PTPRK: variants seen among roughly 807,000 people sequenced by gnomAD.
PTPRK encodes protein tyrosine phosphatase receptor type K.
PTPRK carries 75 observed loss-of-function variants against 178.0 expected under a neutral mutation model. The observed-to-expected ratio is 0.42, with a 90% CI of 0.35 to 0.51. The LOEUF (loss-of-function observed/expected upper bound fraction) is 0.51. PTPRK is among the 20% of genes least tolerant of loss of function. The pLI, the probability that PTPRK is intolerant of heterozygous loss-of-function variation, is 0.02. For synonymous variants in PTPRK, 637 were observed against 620.6 expected, an observed-to-expected ratio of 1.03 and a Z score of -0.39; for missense variants, 1,441 against 1,797.8, an observed-to-expected ratio of 0.80 and a Z score of 3.59.
intron 1 of PTPRK, among the ~76,000 whole-genome samples, chr6:128,495,501 C>T (rs968555391): frequency 2.0e-5 from 3 of 151,928 alleles, no homozygotes; most frequent in East Asian, 3.9e-4. Flanking sequence ...AAACCAAATA[C>T]TCAGGCAGCA....
At chr6:128,049,661 T>C (rs1378173764) in intron 13 of PTPRK, among the ~76,000 whole-genome samples, 2 of 152,174 alleles carry the variant, frequency 1.3e-5, no homozygotes. Context: ...TATATTTGCA[T>C]GATTCAGCAC....
At chr6:128,297,289 C>A (rs1220235713) in intron 3 of PTPRK, among the ~76,000 whole-genome samples, 2 of 151,984 alleles carry the variant, frequency 1.3e-5, no homozygotes, top group Non-Finnish European at 2.9e-5. Context: ...GACTTTAACA[C>A]CCCACTGTCA....
At chr6:128,498,486 T>C (rs1855060791) in intron 1 of PTPRK, among the ~76,000 whole-genome samples, 1 of 152,216 alleles carries the variant, frequency 6.6e-6, no homozygotes, top group Non-Finnish European at 1.5e-5. Context: ...TATCCTCTTC[T>C]GCTTTTAGCA....
rs755320681 is a variant in PTPRK, at chr6:128,519,083, C to G, written c.100+1176G>C. 2 of 532,520 alleles carry G rather than the reference C, an allele frequency of 3.8e-6. No homozygotes were observed. The highest frequency in any genetic ancestry group is 1.9e-5 in the African/African-American group (1 of 51,956). The allele number at this position is 532,520 out of a possible 1,614,324, so 33.0% of individuals were successfully genotyped here. A position where few individuals can be genotyped will look rare whatever the true frequency, so the allele number is the denominator to read the frequency against. On this transcript the variant is annotated intron_variant, in intron 1 of 29. Transcript: ENST00000368226. This position sits in a 1 kb window ranked among gnomAD's most constrained non-coding sequence, Gnocchi z 4.3. ...CTTCTCCATCACCCTCTGGCCACCA[C>G]TGCGTCTCCATCTGCACCGCGAACC...
intron 3 of PTPRK, among the ~76,000 whole-genome samples, chr6:128,293,743 C>G (rs1823791158): frequency 6.6e-6 from 1 of 152,080 alleles, no homozygotes; most frequent in African/African-American, 2.4e-5. Flanking sequence ...ATTACAGGCT[C>G]TTAGGTTTAC....
intron 25 of PTPRK, among the ~76,000 whole-genome samples, chr6:127,978,389 A>G (rs191846195): frequency 7.2e-5 from 11 of 152,186 alleles, no homozygotes; most frequent in Admixed American, 6.5e-4. Context: ...GTGGTTTTAT[A>G]AGGGGCTTCC....
intron 7 of PTPRK, among the ~76,000 whole-genome samples, chr6:128,094,492 C>T (rs1320773253): frequency 6.6e-6 from 1 of 151,960 alleles, no homozygotes; most frequent in Admixed American, 6.6e-5. Context: ...GTGTTAATAC[C>T]AAATGACAAA....
At chr6:128,015,088 T>C (rs1779457476) in intron 13 of PTPRK, among the ~76,000 whole-genome samples, 1 of 151,742 alleles carries the variant, frequency 6.6e-6, no homozygotes, top group African/African-American at 2.4e-5. Flanking sequence ...CTGCAGATAT[T>C]GAAAATTAAT....
At chr6:128,511,902 G>C (rs1327849496) in intron 1 of PTPRK, among the ~76,000 whole-genome samples, 1 of 152,120 alleles carries the variant, frequency 6.6e-6, no homozygotes, top group Non-Finnish European at 1.5e-5. Context: ...GTAAAACACT[G>C]ATCACAGGCC....
chr6:128,035,680 A>G (rs1776088923), intron 13 of PTPRK, among the ~76,000 whole-genome samples: 1 of 152,246 alleles, frequency 6.6e-6, no homozygotes, highest in African/African-American at 2.4e-5. Context: ...GACATTACAA[A>G]TAAGAAGTGA....
At chr6:128,297,108 A>C (rs1308070256) in intron 3 of PTPRK, among the ~76,000 whole-genome samples, 2 of 151,184 alleles carry the variant, frequency 1.3e-5, no homozygotes, top group Admixed American at 6.6e-5. Context: ...TAAACCAACA[A>C]AGATCAAAAG....
intron 7 of PTPRK, among the ~76,000 whole-genome samples, chr6:128,119,270 G>GA (rs1554301698): frequency 3.4e-5 from 5 of 147,446 alleles, no homozygotes; most frequent in Non-Finnish European, 7.5e-5. Flanking sequence ...GTGTTTTTTG[G>GA]TTTTTTTTTT....
chr6:128,192,406 T>A (rs1486162327), intron 6 of PTPRK, among the ~76,000 whole-genome samples: 1 of 152,108 alleles, frequency 6.6e-6, no homozygotes, highest in Non-Finnish European at 1.5e-5. Context: ...CACAAAACAT[T>A]CTCATCATTA....
chr6:128,326,736 T>C (rs1377024689), intron 2 of PTPRK, among the ~76,000 whole-genome samples: 1 of 152,122 alleles, frequency 6.6e-6, no homozygotes, highest in Non-Finnish European at 1.5e-5. Flanking sequence ...AACGGTATAT[T>C]ATCTGGTGGG....
intron 1 of PTPRK, among the ~76,000 whole-genome samples, chr6:128,426,098 T>C (rs1370679800): frequency 6.6e-6 from 1 of 152,200 alleles, no homozygotes; most frequent in African/African-American, 2.4e-5. Context: ...GGACTAGTAT[T>C]CTTGGTGAAA....
intron 1 of PTPRK, among the ~76,000 whole-genome samples, chr6:128,476,102 G>T (rs1337323930): frequency 2.6e-5 from 4 of 151,810 alleles, no homozygotes; most frequent in African/African-American, 9.7e-5. Context: ...GACATTCACA[G>T]TACAGATTTA....
intron 4 of PTPRK, among the ~76,000 whole-genome samples, chr6:128,240,430 T>A (rs560484474): frequency 8.5e-5 from 13 of 152,306 alleles, no homozygotes; most frequent in Middle Eastern, 3.4e-3. Context: ...GCTGAACTGC[T>A]GCCATAGCAT....
At chr6:128,346,007 C>T (rs1832386529) in intron 2 of PTPRK, among the ~76,000 whole-genome samples, 1 of 152,046 alleles carries the variant, frequency 6.6e-6, no homozygotes, top group Admixed American at 6.6e-5. Flanking sequence ...ATATTTCAGG[C>T]TGTAAATGTC....
chr6:127,970,368 AT>A, intron 29 of PTPRK, 88 bp from the exon 30 acceptor site: 2 of 990,446 alleles, frequency 2.0e-6, no homozygotes, highest in Non-Finnish European at 3.1e-6. Flanking sequence ...TTGACAACCA[AT>A]TTAGATTACT....
Sources: gnomAD v4.1 joint callset for allele counts (sites outside exome capture counted in the v4.1 genomes callset) on GRCh38, gnomAD v4.1.1 for gene constraint, Gnocchi (gnomAD v3.1) non-coding constraint, MANE v1.5 for transcripts, NCBI Gene and HGNC (gene_info 2026-07-23, HGNC 2026-07-21) for gene names.